Variants in PCNX3 observed in about 807,000 individuals in gnomAD.
PCNX3 encodes pecanex-like protein 3.
PCNX3 carries 58 observed loss-of-function variants against 207.2 expected under a neutral mutation model. The ratio of observed to expected loss-of-function variants is 0.28; its 90% CI spans 0.23 to 0.35. PCNX3 has a LOEUF of 0.35. Ranked by LOEUF, PCNX3 falls within the 10% of genes least tolerant of loss-of-function variation. PCNX3 has a pLI of 1.00. For missense variants in PCNX3, 2,410 were observed against 2,774.4 expected (o/e 0.87, Z 2.95); for synonymous variants, 1,337 against 1,183.5 (o/e 1.13, Z -2.66).
Position 65,618,367 on chromosome 11 carries a change from C to T in PCNX3, c.1005C>T (p.Ser335=), listed in dbSNP as rs374900037. The change falls in exon 6 of 35, where the codon AGC becomes AGT. Residue 335 remains serine, a synonymous_variant. Coordinates refer to ENST00000355703, the MANE Select transcript of PCNX3 (RefSeq NM_032223.4). ...SPPGGPAPEG[S]DTDPPSEAEL... Reference sequence around the variant, plus strand: ...CAGGGGGGCCAGCCCCTGAGGGCAGCGACACAGACCCACCCTCTGAGGCTG... The same window carrying T: ...CAGGGGGGCCAGCCCCTGAGGGCAGTGACACAGACCCACCCTCTGAGGCTG... 19 of 1,612,476 alleles carry T rather than the reference C, an allele frequency of 1.2e-5. No homozygotes were observed. The highest frequency in any genetic ancestry group is 8.0e-5 in the African/African-American group (6 of 74,930).
chr11:65,629,701 C>A lies in PCNX3; in HGVS notation c.4182C>A (p.Leu1394=). 3.2e-6 allele frequency: 5 copies of A among 1,555,398 alleles called. No homozygotes were observed. Among genetic ancestry groups the A allele is most frequent in the Non-Finnish European group, 4.3e-6 (5 of 1,149,850 alleles). The part of the protein sequence containing the change: ...LVHLIEVGNG[L]VTFQLRGLEF... ...ACCTCATCGAGGTTGGCAATGGCCTCGTCACCTTCCAGCTGCGTGGCCTTG... is the reference window on the plus strand; with the variant it reads ...ACCTCATCGAGGTTGGCAATGGCCTAGTCACCTTCCAGCTGCGTGGCCTTG... Residue 1394 remains leucine (L), a synonymous_variant, in exon 26 of 35, where the codon CTC becomes CTA. Transcript: ENST00000355703.
In PCNX3 at chr11:65,621,462, G is replaced by A. The variant is rs1372131312; in HGVS notation, c.2235+496G>A. Among the ~76,000 whole-genome samples, 7 of 152,230 alleles carry A rather than the reference G, an allele frequency of 4.6e-5. No individual in the cohort carries two copies. In the South Asian group the frequency reaches 1.0e-3, roughly 22 times the overall value. The stretch of plus-strand genomic sequence containing the variant: ...TACTTAATCTATTAACACCAGAAGC[G>A]CTAAAAATGCGTGAAACGCCATCTT... On this transcript the variant is annotated intron_variant, in intron 10 of 34. Coordinates refer to ENST00000355703, the MANE Select transcript of PCNX3 (RefSeq NM_032223.4).
At chr11:65,628,729 G>A (rs1387699411) in intron 23 of PCNX3, 26 bp downstream of exon 23, 2 of 1,606,186 alleles carry the variant, frequency 1.2e-6, no homozygotes, top group African/African-American at 2.7e-5. Context: ...TTGGGTGGGG[G>A]TGTGCAGGGA....
chr11:65,619,907 T>G lies in PCNX3; in HGVS notation c.1983T>G (p.Ala661=), dbSNP rs61744384. 1.2e-6 allele frequency: 2 copies of G among 1,609,768 alleles called. No individual in the cohort carries two copies. Among genetic ancestry groups the G allele is most frequent in the Non-Finnish European group, 1.7e-6 (2 of 1,178,244 alleles). ...ACTFDDTSEG[A]VHYFYDESGV... ...CCTTTGATGACACTTCTGAGGGTGC[T>G]GTGCACTATTTCTACGATGAGAGCG... Residue 661 remains alanine (A), a synonymous_variant, in exon 8 of 35, where the codon GCT becomes GCG. Coordinates refer to ENST00000355703, the MANE Select transcript of PCNX3 (RefSeq NM_032223.4).
At position 65,635,735 on chromosome 11, in the gene PCNX3, A is replaced by T; in HGVS notation, c.5391A>T (p.Leu1797=). The change falls in exon 32 of 35, where the codon CTA becomes CTT. Residue 1797 remains leucine, a synonymous_variant. Coordinates refer to ENST00000355703, the MANE Select transcript of PCNX3 (RefSeq NM_032223.4). This position sits in a 1 kb window ranked among gnomAD's most constrained non-coding sequence, Gnocchi z 9.9. ...CGCTGGCTGGCAGCCACCCCCAGCT[A>T]CGGGCACTGTGGGGTGGCCCCATCA... ...TTSLAGSHPQ[L]RALWGGPISL... The T allele has an allele frequency of 6.2e-7, 1 of 1,605,136 alleles. No individual in the cohort carries two copies. Among genetic ancestry groups the T allele is most frequent in the Non-Finnish European group, 8.5e-7 (1 of 1,176,456 alleles).
chr11:65,619,975 TCCC>T, intron 8 of PCNX3, 43 bp downstream of exon 8: 1 of 1,545,788 alleles, frequency 6.5e-7, no homozygotes, highest in Middle Eastern at 1.7e-4. Context: ...CTCCCCGCCT[TCCC>T]CCAACAGCCT....
At chr11:65,616,801 A>T (rs764653411) in intron 1 of PCNX3, 23 bp from the exon 2 acceptor site, 2 of 1,600,382 alleles carry the variant, frequency 1.2e-6, no homozygotes, top group East Asian at 2.2e-5. Context: ...GTGAAAAGGG[A>T]CCTGGCTTAC....
At chr11:65,622,186 C>T (rs1441557898) in intron 10 of PCNX3, 59 bp from the exon 11 acceptor site, 32 of 1,547,484 alleles carry the variant, frequency 2.1e-5, no homozygotes, top group African/African-American at 4.1e-5. Context: ...GGCTGACGGC[C>T]GCGGCTGTGG....
At chr11:65,623,903 T>G in intron 12 of PCNX3, 26 bp from the exon 13 acceptor site, 1 of 1,612,634 alleles carries the variant, frequency 6.2e-7, no homozygotes, top group South Asian at 1.1e-5. Context: ...CGGCTCTAGT[T>G]GCCAACGTAG....
chr11:65,629,019 GCCA>G, intron 24 of PCNX3, 71 bp downstream of exon 24: 1 of 1,574,050 alleles, frequency 6.4e-7, no homozygotes. Flanking sequence ...CAGGCTGGAG[GCCA>G]CCCACAGAGG....
At position 65,616,772 on chromosome 11, in the gene PCNX3, C is replaced by T. The variant is rs555563327; in HGVS notation, c.154-52C>T. The T allele has an allele frequency of 5.6e-5, 88 of 1,565,828 alleles. No individual in the cohort carries two copies. The African/African-American group carries it at 1.0e-3, about 18-fold the overall frequency. ...GCTATGATGTTGATGGCAGGTACATCCTGTGGGGGCGAGGCTTTGTGAAAA... is the reference window on the plus strand; with the variant it reads ...GCTATGATGTTGATGGCAGGTACATTCTGTGGGGGCGAGGCTTTGTGAAAA... On this transcript the variant is annotated intron_variant, in intron 1 of 34. Coordinates refer to ENST00000355703, the MANE Select transcript of PCNX3 (RefSeq NM_032223.4).
chr11:65,629,238 G>A (rs1372658667), intron 24 of PCNX3, 119 bp from the exon 25 acceptor site: 39 of 1,102,902 alleles, frequency 3.5e-5, no homozygotes, highest in Non-Finnish European at 3.5e-5. Context: ...CTCCTCATCT[G>A]CCTGCATAAC....
At chr11:65,634,698 G>A in intron 29 of PCNX3, 57 bp downstream of exon 29, 2 of 1,459,972 alleles carry the variant, frequency 1.4e-6, no homozygotes, top group African/African-American at 1.4e-5. Context: ...CCTCTTCCAC[G>A]AAGAGCACTG....
chr11:65,634,089 C>G (rs776266294), intron 27 of PCNX3, 37 bp from the exon 28 acceptor site: 2 of 1,574,330 alleles, frequency 1.3e-6, no homozygotes, highest in South Asian at 1.1e-5. Context: ...TGGCCAGGGC[C>G]GGGACCCCGG....
rs371450794 is a variant in PCNX3, at chr11:65,616,866, G to A, written c.196G>A (p.Val66Met). The change falls in exon 2 of 35, where the codon GTG (valine) becomes ATG (methionine). Residue 66 changes from valine to methionine, a missense_variant. By Grantham distance (21) the Val-to-Met change is conservative. Coordinates refer to ENST00000355703, the MANE Select transcript of PCNX3 (RefSeq NM_032223.4). ...GATGGTGGCCGGCGTGTACTGCCTC[G>A]TGGTGGCTGTCATCTTTGCTACTAT... ...SLMVAGVYCL[V>M]VAVIFATIKT... is the part of the protein sequence containing the mutation. 1.9e-5 allele frequency: 31 copies of A among 1,613,526 alleles called. No individual in the cohort carries two copies. Among genetic ancestry groups the A allele is most frequent in the South Asian group, 1.4e-4 (13 of 91,088 alleles).
rs745923499 is a variant in PCNX3, at chr11:65,635,310, G to A, written c.5046G>A (p.Glu1682=). Residue 1682 remains glutamate (E), a synonymous_variant, in exon 31 of 35, where the codon GAG becomes GAA. Coordinates refer to ENST00000355703, the MANE Select transcript of PCNX3 (RefSeq NM_032223.4). This position sits in a 1 kb window ranked among gnomAD's most constrained non-coding sequence, Gnocchi z 9.9. The part of the protein sequence containing the change: ...ANEERLVISH[E]GDPAWRSAIL... ...AGGAGCGGCTGGTCATCTCACATGA[G>A]GGTGACCCAGCATGGCGCAGCGCCA... 1.6e-5 allele frequency: 26 copies of A among 1,600,124 alleles called. No homozygotes were observed. The highest frequency in any genetic ancestry group is 2.2e-5 in the Non-Finnish European group (26 of 1,174,436).
In PCNX3 at chr11:65,634,629, G is replaced by C; in HGVS notation, c.4793G>C (p.Ser1598Thr). The C allele has an allele frequency of 6.3e-7, 1 of 1,596,842 alleles. No individual in the cohort carries two copies. The highest frequency in any genetic ancestry group is 8.5e-7 in the Non-Finnish European group (1 of 1,176,978). ...GRRALGTASH[S>T]MSASLEPFLY... is the part of the protein sequence containing the mutation. ...CGGGCCCTGGGGACAGCCTCTCACA[G>C]CATGTCTGCAAGGTGAGTGCTCGGG... The change falls in exon 29 of 35, where the codon AGC becomes ACC. Residue 1598 changes from serine (S) to threonine (T), a missense_variant. Coordinates refer to ENST00000355703, the MANE Select transcript of PCNX3 (RefSeq NM_032223.4).
At chr11:65,617,395 C>G in intron 3 of PCNX3, 46 bp downstream of exon 3, 2 of 1,613,258 alleles carry the variant, frequency 1.2e-6, no homozygotes, top group Admixed American at 1.7e-5. Context: ...CCTCTGCGAG[C>G]CAGTCCCTAC....
At chr11:65,620,578 C>A in intron 9 of PCNX3, 149 bp downstream of exon 9, 1 of 1,007,932 alleles carries the variant, frequency 9.9e-7, no homozygotes, top group Non-Finnish European at 1.4e-6. Flanking sequence ...CAGCAAAGGA[C>A]AGACCTCCTG....
Sources: gnomAD v4.1 joint callset for allele counts (sites outside exome capture counted in the v4.1 genomes callset) on GRCh38, gnomAD v4.1.1 for gene constraint, Gnocchi (gnomAD v3.1) non-coding constraint, MANE v1.5 for transcripts, NCBI Gene and HGNC (gene_info 2026-07-23, HGNC 2026-07-21) for gene names.